ZNF83: variants seen among roughly 807,000 people sequenced by gnomAD.
ZNF83 encodes the protein zinc finger protein 816B.
For synonymous variants in ZNF83, 209 were observed against 213.0 expected (o/e 0.98, Z 0.17); for missense variants, 552 against 629.9 (o/e 0.88, Z 1.32).
At chr19:52,670,478 G>T (rs1012009348) in intron 1 of ZNF83, among the ~76,000 whole-genome samples, 3 of 151,990 alleles carry the variant, frequency 2.0e-5, no homozygotes, top group African/African-American at 7.3e-5. Flanking sequence ...TAAGTAAATT[G>T]CCTTTCTGAG....
At chr19:52,620,254 CTGTGTGTGTATA>C (rs2060489404) in intron 2 of ZNF83, among the ~76,000 whole-genome samples, 1 of 134,362 alleles carries the variant, frequency 7.4e-6, no homozygotes, top group East Asian at 2.2e-4. Context: ...GTGTGTATAT[CTGTGTGTGTATA>C]TCTCTGTGTG....
chr19:52,613,201 T>G, exon 3 of ZNF83: 12 of 1,614,122 alleles, frequency 7.4e-6, no homozygotes, highest in Non-Finnish European at 1.0e-5. Flanking sequence ...TTTGAAAGGT[T>G]TCTCTCCAGT....
rs1295879908 is a variant in ZNF83 at position 52,613,090 on chromosome 19, T to G, written c.1475A>C (p.Lys492Thr). ...AAGATATGAATTGTCGCGGAAGAGT[T>G]TGCCACATTCATTACATTTGAAATG... The change falls in exon 3 of 3, where the codon AAA (lysine) becomes ACA (threonine). Residue 492 changes from lysine (K) to threonine (T), a missense_variant. Transcript: ENST00000301096. The G allele has an allele frequency of 3.1e-6, 5 of 1,613,710 alleles. No individual in the cohort carries two copies. The African/African-American group carries it at 5.3e-5, about 17-fold the overall frequency.
In ZNF83 at chr19:52,663,994, C is replaced by A. The variant is rs147597634; in HGVS notation, c.-282-3151G>T. On this transcript the variant is annotated intron_variant, in intron 1 of 5. Transcript: ENST00000594682. ...CTCCACCTCCCGGATTCAAGCTATT[C>A]TCCTGCCTGTCTCCCCAGTAGCTGG... Among the ~76,000 whole-genome samples, 168 of 152,310 alleles carry A rather than the reference C, an allele frequency of 1.1e-3. 1 individual carries two copies. The highest frequency in any genetic ancestry group is 3.8e-3 in the African/African-American group (158 of 41,582).
At chr19:52,614,124 CTTCTCTCCAGTATGAA>C in exon 3 of ZNF83, 1 of 1,613,758 alleles carries the variant, frequency 6.2e-7, no homozygotes, top group Non-Finnish European at 8.5e-7. Context: ...ATTTATATGG[CTTCTCTCCAGTATGAA>C]TTCTTTGATG....
chr19:52,677,813 C>G (rs925346287), intron 1 of ZNF83, among the ~76,000 whole-genome samples: 4 of 151,942 alleles, frequency 2.6e-5, no homozygotes, highest in African/African-American at 7.3e-5. Flanking sequence ...GTGGGTGGAT[C>G]ATGAGGTCAG....
In ZNF83 at chr19:52,615,024, A is replaced by G. The variant is rs528551451; in HGVS notation, c.-233-227T>C. On this transcript the variant is annotated intron_variant, in intron 2 of 2. Coordinates refer to ENST00000301096, the Ensembl canonical transcript of ZNF83. ...AACTAATTGCAGAAAAGCCTAGTAT[A>G]AAGAAACCTATGGCCAAACCACTTA... 3.9e-5 allele frequency among the ~76,000 whole-genome samples: 6 copies of G among 152,314 alleles called. No individual in the cohort carries two copies. The East Asian group carries it at 1.2e-3, about 29-fold the overall frequency.
rs116670141 is a variant in ZNF83 at position 52,647,057 on chromosome 19, G to A, written c.-74+8504C>T. On this transcript the variant is annotated intron_variant, in intron 3 of 5. Coordinates refer to the ZNF83 transcript ENST00000594682. ...GTGTGCACCTTAATAAAACTCCTAT[G>A]TTTCACCCATTGATCTCTCCAGTCC... Among the ~76,000 whole-genome samples, 572 of 152,134 alleles carry A rather than the reference G, an allele frequency of 3.8e-3. 9 individuals carry two copies. The highest frequency in any genetic ancestry group is 0.013 in the African/African-American group (546 of 41,510).
chr19:52,612,801 T>TCCAGTGA, exon 3 of ZNF83: 1 of 498,074 alleles, frequency 2.0e-6, no homozygotes, highest in Admixed American at 3.7e-5. Flanking sequence ...GCAAGAATTC[T>TCCAGTGA]TTGAAGAATC....
chr19:52,631,824 A>AGCCT (rs2060974477), intron 2 of ZNF83, among the ~76,000 whole-genome samples: 2 of 152,176 alleles, frequency 1.3e-5, no homozygotes, highest in Non-Finnish European at 2.9e-5. Flanking sequence ...ACAAGCCACT[A>AGCCT]GCCCGCCTCT....
In ZNF83 at chr19:52,627,181, A is replaced by G. The variant is rs567251125; in HGVS notation, c.-234+7885T>C. 2.8e-5 allele frequency among the ~76,000 whole-genome samples: 4 copies of G among 144,928 alleles called. No individual in the cohort carries two copies. In the East Asian group the frequency reaches 9.5e-4, roughly 34 times the overall value. ...ACTATCCACTGCTTACCCCAGGCCT[A>G]TAAAACTGCCCCACCCCATCTCCTT... On this transcript the variant is annotated intron_variant, in intron 2 of 2. Coordinates refer to ENST00000301096, the Ensembl canonical transcript of ZNF83.
chr19:52,678,919 G>A (rs2061862847), intron 1 of ZNF83, among the ~76,000 whole-genome samples: 1 of 150,396 alleles, frequency 6.6e-6, no homozygotes, highest in Non-Finnish European at 1.5e-5. Flanking sequence ...AGGTTGCAGT[G>A]AGCTGAGATC....
intron 1 of ZNF83, among the ~76,000 whole-genome samples, chr19:52,681,900 T>C (rs2061927926): frequency 6.6e-6 from 1 of 152,188 alleles, no homozygotes; most frequent in Non-Finnish European, 1.5e-5. Flanking sequence ...CAGCCTGAAG[T>C]GCAGTGGCAC....
intron 1 of ZNF83, among the ~76,000 whole-genome samples, chr19:52,666,195 CAA>C (rs1292970576): frequency 7.0e-6 from 1 of 142,350 alleles, no homozygotes; most frequent in East Asian, 2.0e-4. Context: ...GACAGAGAGT[CAA>C]AGAGAGAGAG....
At chr19:52,631,209 A>G (rs1444554893) in intron 2 of ZNF83, among the ~76,000 whole-genome samples, 1 of 151,482 alleles carries the variant, frequency 6.6e-6, no homozygotes, top group African/African-American at 2.4e-5. Flanking sequence ...CTATCTCAGC[A>G]TAATTCTCAT....
exon 3 of ZNF83, chr19:52,613,023 T>C: frequency 1.3e-6 from 2 of 1,592,728 alleles, no homozygotes. Flanking sequence ...ATTAATTACA[T>C]GTGTTAGATT....
intron 1 of ZNF83, among the ~76,000 whole-genome samples, chr19:52,683,260 GTGTGTGTGTGTGTGTGTGTGTA>G (rs759883051): frequency 0.099 from 14,042 of 142,456 alleles, 747 homozygotes; most frequent in Middle Eastern, 0.15. Flanking sequence ...GTGTGTGTGT[GTGTGTGTGTGTGTGTGTGTGTA>G]TGCTCACGTG....
chr19:52,660,825 G>C (rs1031713444), exon 2 of ZNF83: 4 of 197,404 alleles, frequency 2.0e-5, no homozygotes, highest in Non-Finnish European at 4.4e-5. Flanking sequence ...CATGTAACAT[G>C]AGTCTTTGGA....
In ZNF83 at chr19:52,685,544, G is replaced by C. The variant is rs1048287662; in HGVS notation, c.-283+4899C>G. ...GTGTGAACACACAGTAATTGACCTT[G>C]AAAACAGGGAAAGAAAGTCAGCTGT... On this transcript the variant is annotated intron_variant, in intron 1 of 5. Coordinates refer to the ZNF83 transcript ENST00000594682. 3.9e-5 allele frequency among the ~76,000 whole-genome samples: 6 copies of C among 152,202 alleles called. No individual in the cohort carries two copies. In the South Asian group the frequency reaches 8.3e-4, roughly 21 times the overall value.
Sources: allele counts gnomAD v4.1 joint callset (sites outside exome capture counted in the v4.1 genomes callset), GRCh38; gene constraint gnomAD v4.1.1; transcripts MANE v1.5; gene names NCBI Gene and HGNC (gene_info 2026-07-23, HGNC 2026-07-21).